The following RGS20 variants were observed in gnomAD, a reference collection of about 807,000 sequenced individuals.
RGS20 encodes the protein gz-selective GTPase-activating protein.
A neutral mutation model predicts 33.6 loss-of-function variants in RGS20; 30 were observed. The observed-to-expected ratio is 0.89, with a 90% CI of 0.67 to 1.21. The LOEUF is 1.21. Among genes scored for constraint, RGS20 ranks in the 50% most tolerant of loss-of-function variants. The pLI, the probability that RGS20 is intolerant of heterozygous loss-of-function variation, is 0.00. For synonymous variants in RGS20, 208 were observed against 197.9 expected (o/e 1.05, Z -0.43); for missense variants, 472 against 502.4 (o/e 0.94, Z 0.58).
chr8:53,932,796 G>A (rs960702700), intron 2 of RGS20, among the ~76,000 whole-genome samples: 1 of 152,172 alleles, frequency 6.6e-6, no homozygotes, highest in African/African-American at 2.4e-5. Flanking sequence ...GCCTCCTCAG[G>A]TGGGTCCCTG....
chr8:53,912,152 C>T (rs1813362612), intron 2 of RGS20, among the ~76,000 whole-genome samples: 1 of 152,096 alleles, frequency 6.6e-6, no homozygotes, highest in South Asian at 2.1e-4. Flanking sequence ...CTATGTGTTG[C>T]AAGCACATTT....
intron 1 of RGS20, among the ~76,000 whole-genome samples, chr8:53,867,855 T>C (rs1811958204): frequency 6.6e-6 from 1 of 152,116 alleles, no homozygotes; most frequent in Admixed American, 6.5e-5. Context: ...CCCGGGTAGC[T>C]GGGACTACAG....
intron 1 of RGS20, chr8:53,852,163 A>G: frequency 8.9e-7 from 1 of 1,117,708 alleles, no homozygotes; most frequent in Non-Finnish European, 1.2e-6. Context: ...GCCATTGCTC[A>G]CTTATCTTAA....
intron 2 of RGS20, among the ~76,000 whole-genome samples, chr8:53,936,700 G>A (rs898895862): frequency 1.3e-4 from 20 of 152,126 alleles, no homozygotes; most frequent in South Asian, 4.2e-4. Context: ...ATTCAATGCC[G>A]TCCCCATCAA....
intron 1 of RGS20, among the ~76,000 whole-genome samples, chr8:53,854,004 T>C (rs1811621772): frequency 6.6e-6 from 1 of 152,100 alleles, no homozygotes; most frequent in Non-Finnish European, 1.5e-5. Context: ...AAAATGTATC[T>C]AGACGTCAAG....
At chr8:53,899,009 A>G (rs1405512868) in intron 2 of RGS20, among the ~76,000 whole-genome samples, 2 of 152,210 alleles carry the variant, frequency 1.3e-5, no homozygotes, top group Non-Finnish European at 2.9e-5. Context: ...GTTCAAATAC[A>G]TATTAAAATT....
intron 3 of RGS20, among the ~76,000 whole-genome samples, chr8:53,940,087 A>T (rs987842392): frequency 2.0e-5 from 3 of 152,202 alleles, no homozygotes; most frequent in East Asian, 1.9e-4. Context: ...ATAGGTCTTA[A>T]AGGTTAGGGC....
At chr8:53,895,440 A>T (rs569425197) in intron 2 of RGS20, among the ~76,000 whole-genome samples, 1 of 152,286 alleles carries the variant, frequency 6.6e-6, no homozygotes, top group East Asian at 1.9e-4. Context: ...ACGCTAAATG[A>T]TCATGAAGTT....
rs147892226 is a variant in RGS20 at position 53,939,625 on chromosome 8, C to T, written c.560C>T (p.Ala187Val). ...ATGCGGAAGCGGCAGATGCCCGCCG[C>T]CCAGGACACACCAGGCGCCGCCCCA... is the stretch of plus-strand genomic sequence containing the variant. Residue 187 changes from alanine to valine, a missense_variant, in exon 3 of 6, where the codon GCC becomes GTC. Around this residue, in one of 3 missense-constraint regions of RGS20, gnomAD observed 319 missense variants for 283.4 expected, o/e 1.13. Transcript: ENST00000297313. 541 of 1,606,340 alleles carry T rather than the reference C, an allele frequency of 3.4e-4. No homozygotes were observed. The highest frequency in any genetic ancestry group is 4.5e-4 in the Non-Finnish European group (527 of 1,177,360).
chr8:53,867,848 G>A (rs574335532), intron 1 of RGS20, among the ~76,000 whole-genome samples: 3 of 151,828 alleles, frequency 2.0e-5, no homozygotes, highest in Admixed American at 1.3e-4. Flanking sequence ...TCAGTCTCCC[G>A]GGTAGCTGGG....
chr8:53,881,741 C>T (rs975426922), intron 2 of RGS20, among the ~76,000 whole-genome samples: 1 of 152,174 alleles, frequency 6.6e-6, no homozygotes, highest in Non-Finnish European at 1.5e-5. Context: ...CAGAGAAGTG[C>T]CCTCCACCCT....
intron 2 of RGS20, among the ~76,000 whole-genome samples, chr8:53,896,283 C>A (rs548741739): frequency 2.4e-4 from 36 of 151,900 alleles, no homozygotes; most frequent in Admixed American, 9.8e-4. Context: ...CTGTCCCCCC[C>A]AAAAAAAGAA....
chr8:53,860,701 C>T (rs995032223), intron 1 of RGS20, among the ~76,000 whole-genome samples: 3 of 152,226 alleles, frequency 2.0e-5, no homozygotes, highest in African/African-American at 7.2e-5. Context: ...CGCAGTGGGT[C>T]ACACCTCTAA....
At chr8:53,881,081 G>A in intron 2 of RGS20, 1 of 1,541,200 alleles carries the variant, frequency 6.5e-7, no homozygotes, top group Admixed American at 2.3e-5. Flanking sequence ...TGGACGGTGG[G>A]CTCGTGAGTA....
At chr8:53,895,627 T>G (rs1380189702) in intron 2 of RGS20, among the ~76,000 whole-genome samples, 2 of 151,798 alleles carry the variant, frequency 1.3e-5, no homozygotes, top group Admixed American at 6.6e-5. Context: ...TGAACACTAA[T>G]AATAGTTTTT....
intron 2 of RGS20, among the ~76,000 whole-genome samples, chr8:53,899,034 C>CT (rs1296552581): frequency 6.6e-6 from 1 of 152,172 alleles, no homozygotes; most frequent in African/African-American, 2.4e-5. Flanking sequence ...CTGTTAGGAA[C>CT]TTTATGTTCC....
At chr8:53,921,006 C>T (rs559778140) in intron 2 of RGS20, among the ~76,000 whole-genome samples, 1 of 152,286 alleles carries the variant, frequency 6.6e-6, no homozygotes, top group South Asian at 2.1e-4. Flanking sequence ...GTGATCCACC[C>T]ACCTCGGCCT....
At chr8:53,856,183 CT>C (rs1461105753) in intron 1 of RGS20, among the ~76,000 whole-genome samples, 1 of 151,762 alleles carries the variant, frequency 6.6e-6, no homozygotes. Flanking sequence ...CACTCACACA[CT>C]TGTCTTCATC....
At chr8:53,890,698 G>A (rs774987424) in intron 2 of RGS20, among the ~76,000 whole-genome samples, 7 of 152,130 alleles carry the variant, frequency 4.6e-5, no homozygotes, top group Non-Finnish European at 8.8e-5. Flanking sequence ...GGAGTACATT[G>A]GCACCATTAT....
Sources: allele counts gnomAD v4.1 joint callset (sites outside exome capture counted in the v4.1 genomes callset), GRCh38; gene constraint gnomAD v4.1.1; regional missense constraint gnomAD v4.1.1; transcripts MANE v1.5; gene names NCBI Gene and HGNC (gene_info 2026-07-23, HGNC 2026-07-21).